Variants in DMKN observed in about 807,000 individuals in gnomAD.
DMKN encodes epidermis-specific secreted protein SK30/SK89.
In DMKN, 58 loss-of-function variants were observed where a neutral mutation model predicts 67.6. That is an observed-to-expected ratio of 0.86 (90% confidence interval 0.69 to 1.07). The LOEUF is 1.07. DMKN is among the 50% of genes least tolerant of loss of function. The pLI, the probability that DMKN is intolerant of heterozygous loss-of-function variation, is 0.00. For synonymous variants in DMKN, 240 were observed against 232.3 expected (o/e 1.03, Z -0.30); for missense variants, 596 against 601.5 (o/e 0.99, Z 0.10).
chr19:35,509,853 G>T, intron 7 of DMKN, 58 bp downstream of exon 7: 1 of 1,592,452 alleles, frequency 6.3e-7, no homozygotes, highest in Non-Finnish European at 8.6e-7. Context: ...GGAGGAGTGG[G>T]CACAGTCCTG....
chr19:35,508,152 T>C (rs1224762190), intron 7 of DMKN: 1 of 1,550,080 alleles, frequency 6.5e-7, no homozygotes, highest in African/African-American at 1.4e-5. Flanking sequence ...AACAGACCTC[T>C]ACCCCACTTA....
rs375964017 is a variant in DMKN, at chr19:35,501,833, C to T, written c.1239+303G>A. 3.8e-6 allele frequency: 6 copies of T among 1,574,334 alleles called. No homozygotes were observed. In the African/African-American group the frequency reaches 5.4e-5, roughly 14 times the overall value. On this transcript the variant is annotated intron_variant, in intron 11 of 15. Transcript: ENST00000339686. ...CCCTGCGGTACCCACCCAGCCGTGG[C>T]TCCCCTGGGTCCAGGCCAGGCCCAG...
chr19:35,510,412 A>C (rs1270321004), intron 5 of DMKN, 160 bp from the exon 6 acceptor site: 5 of 1,552,248 alleles, frequency 3.2e-6, no homozygotes, highest in Non-Finnish European at 4.4e-6. Flanking sequence ...TCGCTGCAGG[A>C]AGTTATTCCG....
Position 35,508,305 on chromosome 19 carries a change from A to C in DMKN, c.1038+1606T>G, listed in dbSNP as rs953728424. 6.5e-6 allele frequency: 10 copies of C among 1,537,114 alleles called. No homozygotes were observed. In the East Asian group the frequency reaches 2.2e-4, roughly 34 times the overall value. ...ATCCTGAGGCCACCCCCGAAAATTA[A>C]TGTATTGATTTAATATGATTCCTCT... On this transcript the variant is annotated intron_variant, in intron 7 of 15. Coordinates refer to ENST00000339686, the MANE Select transcript of DMKN (RefSeq NM_033317.5).
intron 9 of DMKN, chr19:35,503,168 G>C (rs1006123401): frequency 7.7e-7 from 1 of 1,296,776 alleles, no homozygotes; most frequent in Non-Finnish European, 1.0e-6. Context: ...TCAAGACTAG[G>C]ACCTGCCTCA....
intron 7 of DMKN, chr19:35,507,905 T>C: frequency 2.2e-6 from 1 of 461,430 alleles, no homozygotes; most frequent in Non-Finnish European, 3.9e-6. Context: ...AAGGACCCTG[T>C]CTGGGCTGAT....
At chr19:35,508,148 C>G (rs1325068777) in intron 7 of DMKN, 1 of 1,549,332 alleles carries the variant, frequency 6.5e-7, no homozygotes, top group East Asian at 2.4e-5. Flanking sequence ...GGAGAACAGA[C>G]CTCTACCCCA....
intron 11 of DMKN, among the ~76,000 whole-genome samples, chr19:35,501,288 C>T (rs990695380): frequency 6.6e-6 from 1 of 152,212 alleles, no homozygotes; most frequent in Non-Finnish European, 1.5e-5. Context: ...GACCTTGAAC[C>T]TAAACCCCAC....
chr19:35,502,094 C>T lies in DMKN; in HGVS notation c.1239+42G>A, dbSNP rs749266194. 5 of 1,613,772 alleles carry T rather than the reference C, an allele frequency of 3.1e-6. No individual in the cohort carries two copies. In the South Asian group the frequency reaches 3.3e-5, roughly 11 times the overall value. ...TGGGTCAGCGGCTCGCCCAGGGCCC[C>T]GAACCCTGTGTCCCAGAGCTGAGAA... On this transcript the variant is annotated intron_variant, in intron 11 of 15. Coordinates refer to ENST00000339686, the MANE Select transcript of DMKN (RefSeq NM_033317.5).
rs764775732 is a variant in DMKN at position 35,502,875 on chromosome 19, C to T, written c.1146G>A (p.Pro382=). 1.4e-5 allele frequency: 23 copies of T among 1,613,686 alleles called. No homozygotes were observed. Among genetic ancestry groups the T allele is most frequent in the Admixed American group, 6.7e-5 (4 of 59,966 alleles). ...AGAGGAGGGCTCGGGTGCTGGGGGGCGGGACCTGGTTCTGTGGATGAAAGG... is the reference window on the plus strand; with the variant it reads ...AGAGGAGGGCTCGGGTGCTGGGGGGTGGGACCTGGTTCTGTGGATGAAAGG... ...NWDAINKNQV[P]PPSTRALLYF... is the part of the protein sequence containing the mutation. Residue 382 remains proline (P), a synonymous_variant, in exon 10 of 16, where the codon CCG becomes CCA. Transcript: ENST00000339686.
intron 7 of DMKN, chr19:35,508,168 G>A (rs572388946): frequency 1.2e-4 from 185 of 1,551,416 alleles, no homozygotes; most frequent in East Asian, 6.9e-4. Context: ...ACTTACTACC[G>A]GCACAGTCTC....
chr19:35,512,280 G>C (rs1237650553), intron 3 of DMKN, 141 bp downstream of exon 3: 28 of 1,176,236 alleles, frequency 2.4e-5, no homozygotes, highest in Non-Finnish European at 3.3e-5. Flanking sequence ...TTACAGGTGT[G>C]AGCCACCTCG....
chr19:35,510,042 C>T (rs2070430274), intron 6 of DMKN, 81 bp from the exon 7 acceptor site: 2 of 1,592,684 alleles, frequency 1.3e-6, no homozygotes, highest in African/African-American at 2.7e-5. Flanking sequence ...CATTTTAACC[C>T]TGGGGCGAGC....
chr19:35,512,245 G>GCCTTGGCC (rs1388245143), intron 3 of DMKN, among the ~76,000 whole-genome samples, 176 bp downstream of exon 3: 1 of 151,980 alleles, frequency 6.6e-6, no homozygotes, highest in African/African-American at 2.4e-5. Flanking sequence ...TGATCCACGT[G>GCCTTGGCC]CCTTGGCCTC....
intron 9 of DMKN, chr19:35,503,477 T>TG: frequency 2.3e-6 from 3 of 1,329,310 alleles, no homozygotes; most frequent in East Asian, 2.9e-5. Flanking sequence ...TTTTTTTGTT[T>TG]TTTTTTTTTT....
At chr19:35,511,295 G>A in intron 5 of DMKN, 116 bp downstream of exon 5, 1 of 1,546,122 alleles carries the variant, frequency 6.5e-7, no homozygotes, top group South Asian at 1.2e-5. Context: ...ACGACTATCA[G>A]CGAGGCCGCC....
intron 13 of DMKN, 128 bp from the exon 14 acceptor site, chr19:35,499,025 G>C: frequency 1.5e-6 from 2 of 1,344,316 alleles, no homozygotes. Flanking sequence ...AGGTTTTCCA[G>C]TCTGACTGTG....
chr19:35,511,356 A>G (rs2070717678), intron 5 of DMKN, 55 bp downstream of exon 5: 2 of 1,600,524 alleles, frequency 1.2e-6, no homozygotes, highest in South Asian at 2.2e-5. Context: ...CTCTCCCGGC[A>G]GGGACCACTA....
Position 35,502,169 on chromosome 19 carries a change from G to A in DMKN, c.1206C>T (p.Asn402=), listed in dbSNP as rs755774659. The change falls in exon 11 of 16, where the codon AAC becomes AAT. Residue 402 remains asparagine (N), a synonymous_variant. Coordinates refer to ENST00000339686, the MANE Select transcript of DMKN (RefSeq NM_033317.5). ...TTGCTTTCCAGTTGAGGAAAGGAGT[G>A]TTCTGTTTGAAATCCTGCAGGGAGA... is the stretch of plus-strand genomic sequence containing the variant. The part of the protein sequence containing the change: ...FSRLWEDFKQ[N]TPFLNWKAII... 1 of 1,614,148 alleles carries A rather than the reference G, an allele frequency of 6.2e-7. No homozygotes were observed. The highest frequency in any genetic ancestry group is 1.7e-5 in the Admixed American group (1 of 60,030).
Sources: allele counts gnomAD v4.1 joint callset (sites outside exome capture counted in the v4.1 genomes callset), GRCh38; gene constraint gnomAD v4.1.1; transcripts MANE v1.5; gene names NCBI Gene and HGNC (gene_info 2026-07-23, HGNC 2026-07-21).